Variants in DTWD2 observed in about 807,000 individuals in gnomAD.
The protein encoded by DTWD2 is DTW motif tRNA-uridine aminocarboxypropyltransferase 2, also known as tRNA-uridine aminocarboxypropyltransferase 2.
In DTWD2, 39 loss-of-function variants were observed where a neutral mutation model predicts 31.8. The ratio of observed to expected loss-of-function variants is 1.22; its 90% CI spans 0.95 to 1.60. The LOEUF is 1.60. Among genes scored for constraint, DTWD2 ranks in the 40% most tolerant of loss-of-function variants. The pLI, the probability that DTWD2 is intolerant of heterozygous loss-of-function variation, is 0.00. For synonymous variants in DTWD2, 180 were observed against 142.8 expected, an observed-to-expected ratio of 1.26 and a Z score of -1.86; for missense variants, 515 against 381.5, an observed-to-expected ratio of 1.35 and a Z score of -2.92.
intron 4 of DTWD2, among the ~76,000 whole-genome samples, chr5:118,849,316 C>A (rs188716830): frequency 2.0e-3 from 308 of 152,196 alleles, no homozygotes; most frequent in African/African-American, 7.1e-3. Flanking sequence ...CAAATCAAAA[C>A]CACAATGAGA....
At chr5:118,859,997 A>T (rs1458414871) in intron 4 of DTWD2, among the ~76,000 whole-genome samples, 4 of 152,106 alleles carry the variant, frequency 2.6e-5, no homozygotes, top group African/African-American at 9.7e-5. Context: ...ATGCACCTGC[A>T]GTCCCAGATA....
chr5:118,949,949 G>A (rs899232861), intron 1 of DTWD2, among the ~76,000 whole-genome samples: 19 of 152,094 alleles, frequency 1.2e-4, no homozygotes, highest in African/African-American at 2.7e-4. Flanking sequence ...GATGGCTCAC[G>A]CCTGTAATCC....
At chr5:118,976,432 T>C (rs1284525252) in intron 1 of DTWD2, among the ~76,000 whole-genome samples, 4 of 151,980 alleles carry the variant, frequency 2.6e-5, no homozygotes, top group African/African-American at 7.3e-5. Context: ...ACAAAATAGA[T>C]AGACTGCTAG....
Position 118,928,708 on chromosome 5 carries a change from A to T in DTWD2, c.426T>A (p.Val142=), listed in dbSNP as rs1753860437. 6.4e-7 allele frequency: 1 copy of T among 1,573,074 alleles called. No homozygotes were observed. The highest frequency in any genetic ancestry group is 8.6e-7 in the Non-Finnish European group (1 of 1,161,834). ...ATATTAATGTACCAGACTTCCGGCA[A>T]ACAGTTGAAAGTTCAGGATCTCTGA... The part of the protein sequence containing the change: ...SEERDPELST[V]CRKSGTLILY... Residue 142 remains valine (V), a synonymous_variant, in exon 4 of 6, where the codon GTT becomes GTA. Transcript: ENST00000510708.
chr5:118,949,496 C>A (rs537455936), intron 1 of DTWD2, among the ~76,000 whole-genome samples: 1 of 152,280 alleles, frequency 6.6e-6, no homozygotes, highest in Admixed American at 6.5e-5. Context: ...AGATCCTGAA[C>A]CAACCTGTAA....
intron 1 of DTWD2, among the ~76,000 whole-genome samples, chr5:118,980,946 C>G (rs1755285519): frequency 6.6e-6 from 1 of 152,114 alleles, no homozygotes; most frequent in African/African-American, 2.4e-5. Flanking sequence ...GTAAAAACAA[C>G]CCAAGCATTC....
chr5:118,988,160 T>G (rs1338904826), intron 1 of DTWD2, 134 bp downstream of exon 1: 8 of 1,128,392 alleles, frequency 7.1e-6, no homozygotes, highest in Non-Finnish European at 1.0e-5. Flanking sequence ...TTCCGAGATT[T>G]CCAACGTGCA....
At chr5:118,855,616 T>G (rs190392480) in intron 4 of DTWD2, among the ~76,000 whole-genome samples, 1 of 152,108 alleles carries the variant, frequency 6.6e-6, no homozygotes, top group Non-Finnish European at 1.5e-5. Context: ...GGCCTAGTGA[T>G]TGGCAAGAAT....
At chr5:118,841,794 C>T (rs1751720923) in intron 5 of DTWD2, among the ~76,000 whole-genome samples, 2 of 151,870 alleles carry the variant, frequency 1.3e-5, no homozygotes, top group Non-Finnish European at 2.9e-5. Flanking sequence ...AAAAACAACA[C>T]TATGCCAGTG....
At chr5:118,884,651 C>G (rs1266820211) in intron 4 of DTWD2, among the ~76,000 whole-genome samples, 1 of 152,120 alleles carries the variant, frequency 6.6e-6, no homozygotes, top group Non-Finnish European at 1.5e-5. Context: ...ATTATTTCTT[C>G]AAATATCCTC....
At chr5:118,847,547 C>T (rs1160165745) in intron 5 of DTWD2, among the ~76,000 whole-genome samples, 1 of 151,858 alleles carries the variant, frequency 6.6e-6, no homozygotes, top group African/African-American at 2.4e-5. Context: ...ATGAAATCAT[C>T]ATGCTTTCAT....
Position 118,836,210 on chromosome 5 carries a change from C to T in DTWD2, c.*4707G>A, listed in dbSNP as rs193235794. Among the ~76,000 whole-genome samples, 2 of 151,804 alleles carry T rather than the reference C, an allele frequency of 1.3e-5. No homozygotes were observed. The highest frequency in any genetic ancestry group is 4.8e-5 in the African/African-American group (2 of 41,348). On this transcript the variant is annotated 3_prime_UTR_variant, in exon 6 of 6. Transcript: ENST00000510708. ...AAGTTTCTTTTAAAAATAATTCTTA[C>T]GTTGTTAGTTCAAGTGAATCTTATT... is the stretch of plus-strand genomic sequence containing the variant.
chr5:118,964,630 C>T lies in DTWD2; in HGVS notation c.219-19981G>A, dbSNP rs563340945. 5.2e-3 allele frequency among the ~76,000 whole-genome samples: 788 copies of T among 152,332 alleles called. 10 individuals are homozygous for T. Among genetic ancestry groups the T allele is most frequent in the African/African-American group, 0.018 (747 of 41,576 alleles). ...GGTTTTCGTATTTTTTTGGTGGAGA[C>T]GGGGTTTCGCTGTGTTGGCCGGGCT... On this transcript the variant is annotated intron_variant, in intron 1 of 5. Transcript: ENST00000510708.
intron 4 of DTWD2, among the ~76,000 whole-genome samples, chr5:118,869,311 C>G (rs1752451600): frequency 6.6e-6 from 1 of 152,006 alleles, no homozygotes; most frequent in African/African-American, 2.4e-5. Flanking sequence ...TGGATGGGAT[C>G]TGATTGGTAG....
intron 1 of DTWD2, 111 bp downstream of exon 1, chr5:118,988,183 G>T (rs903026605): frequency 1.5e-6 from 2 of 1,353,252 alleles, no homozygotes; most frequent in African/African-American, 1.4e-5. Context: ...CGCCAACTCC[G>T]CCGCCCTAAT....
intron 2 of DTWD2, among the ~76,000 whole-genome samples, chr5:118,940,672 C>A (rs1754158620): frequency 1.3e-5 from 2 of 152,282 alleles, no homozygotes; most frequent in South Asian, 4.1e-4. Context: ...TATCTTTTGT[C>A]ATATCCATTT....
intron 4 of DTWD2, among the ~76,000 whole-genome samples, chr5:118,907,569 A>G (rs904172079): frequency 2.0e-5 from 3 of 152,052 alleles, no homozygotes; most frequent in African/African-American, 7.2e-5. Flanking sequence ...CATCTCTACT[A>G]AAAATACAAA....
chr5:118,944,712 T>G, intron 1 of DTWD2, 63 bp from the exon 2 acceptor site: 1 of 1,482,258 alleles, frequency 6.7e-7, no homozygotes, highest in Non-Finnish European at 9.3e-7. Flanking sequence ...TAACAATTTT[T>G]TAAATGACCT....
At chr5:118,980,551 A>G (rs1755278243) in intron 1 of DTWD2, among the ~76,000 whole-genome samples, 1 of 152,256 alleles carries the variant, frequency 6.6e-6, no homozygotes, top group Non-Finnish European at 1.5e-5. Flanking sequence ...GCCAAAAAGC[A>G]CATGAGAAGA....
Sources: allele counts gnomAD v4.1 joint callset (sites outside exome capture counted in the v4.1 genomes callset), GRCh38; gene constraint gnomAD v4.1.1; transcripts MANE v1.5; gene names NCBI Gene and HGNC (gene_info 2026-07-23, HGNC 2026-07-21).